CDKN2B-AS1: variants seen among roughly 807,000 people sequenced by gnomAD.
CDKN2B-AS1 encodes CDKN2B antisense RNA 1 (non-protein coding).
At chr9:22,063,063 G>A (rs1218738172) in intron 4 of CDKN2B-AS1, among the ~76,000 whole-genome samples, 2 of 151,758 alleles carry the variant, frequency 1.3e-5, no homozygotes, top group Admixed American at 6.6e-5. Context: ...GCACTTTTCT[G>A]GATGCATAAG....
intron 1 of CDKN2B-AS1, chr9:22,009,325 A>G: frequency 2.4e-6 from 1 of 412,642 alleles, no homozygotes; most frequent in Non-Finnish European, 4.4e-6. Flanking sequence ...GCCGGCAAAG[A>G]ATTCCGTTTT....
chr9:22,083,878 G>A (rs1824781915), intron 4 of CDKN2B-AS1, among the ~76,000 whole-genome samples: 1 of 152,098 alleles, frequency 6.6e-6, no homozygotes. Context: ...GGAGGACACT[G>A]GTGTTTGGGT....
At chr9:22,037,115 T>A (rs1405177948) in intron 1 of CDKN2B-AS1, among the ~76,000 whole-genome samples, 1 of 152,072 alleles carries the variant, frequency 6.6e-6, no homozygotes, top group African/African-American at 2.4e-5. Context: ...AGGATTCTAC[T>A]CTGGGTTCTA....
At chr9:22,087,948 T>C (rs557961649) in intron 4 of CDKN2B-AS1, among the ~76,000 whole-genome samples, 16 of 152,242 alleles carry the variant, frequency 1.1e-4, no homozygotes, top group African/African-American at 3.9e-4. Context: ...GCTTGCTGTC[T>C]CTGTTGAAAG....
At chr9:22,114,252 C>T (rs535112434) in intron 4 of CDKN2B-AS1, among the ~76,000 whole-genome samples, 6 of 152,306 alleles carry the variant, frequency 3.9e-5, no homozygotes, top group African/African-American at 1.2e-4. Context: ...TTACAATCAC[C>T]TGTGACTTTC....
At chr9:22,120,256 C>A (rs1826063928) in intron 4 of CDKN2B-AS1, 1 of 152,202 alleles carries the variant, frequency 6.6e-6, no homozygotes, top group Non-Finnish European at 1.5e-5. Flanking sequence ...GAGGCCTTTG[C>A]AGCTTTCTGC....
At chr9:22,029,907 G>T (rs1822398419) in intron 1 of CDKN2B-AS1, 1 of 160,892 alleles carries the variant, frequency 6.2e-6, no homozygotes, top group African/African-American at 2.4e-5. Flanking sequence ...TTCTATATGG[G>T]ACTATTTCAC....
At chr9:22,085,183 T>C (rs1824826403) in intron 4 of CDKN2B-AS1, among the ~76,000 whole-genome samples, 1 of 152,230 alleles carries the variant, frequency 6.6e-6, no homozygotes, top group African/African-American at 2.4e-5. Flanking sequence ...ACTTGGGTTA[T>C]GATCAAGGAG....
chr9:22,072,064 G>C (rs1824317606), intron 4 of CDKN2B-AS1, among the ~76,000 whole-genome samples: 1 of 152,134 alleles, frequency 6.6e-6, no homozygotes, highest in East Asian at 1.9e-4. Context: ...GGTGGATTAA[G>C]AACTAAATAT....
chr9:22,084,146 A>G (rs770085658), intron 4 of CDKN2B-AS1, among the ~76,000 whole-genome samples: 1 of 152,124 alleles, frequency 6.6e-6, no homozygotes, highest in African/African-American at 2.4e-5. Flanking sequence ...TGTGTTTTAG[A>G]TGAAGAGATT....
At chr9:22,081,619 G>C (rs1009138387) in intron 4 of CDKN2B-AS1, among the ~76,000 whole-genome samples, 1 of 152,132 alleles carries the variant, frequency 6.6e-6, no homozygotes, top group Non-Finnish European at 1.5e-5. Context: ...ACAGCCCCTG[G>C]GACAGGCCCA....
intron 4 of CDKN2B-AS1, among the ~76,000 whole-genome samples, chr9:22,100,462 A>G (rs1396204698): frequency 6.6e-6 from 1 of 152,176 alleles, no homozygotes; most frequent in Non-Finnish European, 1.5e-5. Flanking sequence ...TTTCTGGTTT[A>G]TAAATGTTGC....
At chr9:22,086,896 C>T (rs1408523367) in intron 4 of CDKN2B-AS1, among the ~76,000 whole-genome samples, 1 of 152,178 alleles carries the variant, frequency 6.6e-6, no homozygotes, top group Non-Finnish European at 1.5e-5. Flanking sequence ...TTTTTTCCAA[C>T]ATTAATTATC....
chr9:22,072,680 G>T (rs1391737842), intron 4 of CDKN2B-AS1, among the ~76,000 whole-genome samples: 1 of 152,216 alleles, frequency 6.6e-6, no homozygotes, highest in Non-Finnish European at 1.5e-5. Flanking sequence ...ATGTTTTAGT[G>T]ACATATTAGA....
At chr9:22,017,819 T>TTTTAGTA (rs879718204) in intron 1 of CDKN2B-AS1, among the ~76,000 whole-genome samples, 3,371 of 152,268 alleles carry the variant, frequency 0.022, 93 homozygotes, top group African/African-American at 0.062. Context: ...TGCAAAGAGG[T>TTTTAGTA]GTTGCATTAG....
intron 4 of CDKN2B-AS1, among the ~76,000 whole-genome samples, chr9:22,077,057 TG>T: frequency 6.6e-6 from 1 of 152,346 alleles, no homozygotes; most frequent in East Asian, 1.9e-4. Flanking sequence ...CCTACATATT[TG>T]CTACTTTGTA....
At chr9:22,008,970 G>A in intron 1 of CDKN2B-AS1, 8 of 1,613,226 alleles carry the variant, frequency 5.0e-6, no homozygotes, top group Non-Finnish European at 5.9e-6. Context: ...GCCCCCAGAC[G>A]CGCAGCGGCC....
chr9:22,040,566 G>T (rs1822857471), intron 1 of CDKN2B-AS1, among the ~76,000 whole-genome samples: 1 of 151,936 alleles, frequency 6.6e-6, no homozygotes, highest in African/African-American at 2.4e-5. Flanking sequence ...GCAAGGTACA[G>T]TAGAGATGGT....
rs1185323843 is a variant in CDKN2B-AS1 at position 22,001,922 on chromosome 9, C to T, written n.29+6761C>T. Among the ~76,000 whole-genome samples the T allele has an allele frequency of 1.3e-5, 2 of 151,948 alleles. No homozygotes were observed. Among genetic ancestry groups the T allele is most frequent in the South Asian group, 2.1e-4 (1 of 4,816 alleles). On this transcript the variant is annotated intron_variant and non_coding_transcript_variant, in intron 1 of 4. Coordinates refer to ENST00000650946, the Ensembl canonical transcript of CDKN2B-AS1. The surrounding 1 kb of genome is among the most constrained non-coding windows in gnomAD (Gnocchi z 4.2). ...GTCCTTGTTTCACTTTTCTTCATTC[C>T]CTCTTTCTTTCCTGTCGTTATAAGT...
Sources: gnomAD v4.1 joint callset for allele counts (sites outside exome capture counted in the v4.1 genomes callset) on GRCh38, gnomAD v4.1.1 for gene constraint, Gnocchi (gnomAD v3.1) non-coding constraint, MANE v1.5 for transcripts, NCBI Gene and HGNC (gene_info 2026-07-23, HGNC 2026-07-21) for gene names.